SRPK2: variants seen among roughly 807,000 people sequenced by gnomAD.
The protein encoded by SRPK2 is SFRS protein kinase 2.
In SRPK2, 21 loss-of-function variants were observed where a neutral mutation model predicts 90.8. The ratio of observed to expected loss-of-function variants is 0.23; its 90% CI spans 0.16 to 0.33. The LOEUF (loss-of-function observed/expected upper bound fraction) is 0.33. SRPK2 is among the 10% of genes least tolerant of loss of function. The pLI, the probability that SRPK2 is intolerant of heterozygous loss-of-function variation, is 1.00. For synonymous variants in SRPK2, 288 were observed against 311.1 expected, an observed-to-expected ratio of 0.93 and a Z score of 0.78; for missense variants, 620 against 869.0, an observed-to-expected ratio of 0.71 and a Z score of 3.60.
In SRPK2 at chr7:105,197,857, T is replaced by C. The variant is rs188084509; in HGVS notation, c.229+5771A>G. ...GAAATAATTCAAGAGATGAAAACTGTACAAAGGTGCCAACTTATCTAAGAA... is the reference window on the plus strand; with the variant it reads ...GAAATAATTCAAGAGATGAAAACTGCACAAAGGTGCCAACTTATCTAAGAA... On this transcript the variant is annotated intron_variant, in intron 3 of 15. Transcript: ENST00000393651. Among the ~76,000 whole-genome samples the C allele has an allele frequency of 1.5e-3, 222 of 152,288 alleles. 2 individuals carry two copies. Among genetic ancestry groups the C allele is most frequent in the African/African-American group, 5.1e-3 (212 of 41,562 alleles).
At chr7:105,220,325 G>T (rs929099973) in intron 2 of SRPK2, among the ~76,000 whole-genome samples, 2 of 151,950 alleles carry the variant, frequency 1.3e-5, no homozygotes, top group African/African-American at 4.8e-5. Context: ...TCAAGAGATC[G>T]ATACCAGCCT....
At chr7:105,249,546 T>G (rs1802198093) in intron 2 of SRPK2, among the ~76,000 whole-genome samples, 1 of 152,116 alleles carries the variant, frequency 6.6e-6, no homozygotes, top group South Asian at 2.1e-4. Flanking sequence ...AGACTCTAAA[T>G]GCCTGAATTT....
chr7:105,291,660 G>A (rs186117632), intron 2 of SRPK2, among the ~76,000 whole-genome samples: 2 of 152,294 alleles, frequency 1.3e-5, no homozygotes, highest in East Asian at 1.9e-4. Context: ...AACCCAGGGG[G>A]CAGAGGCTGC....
intron 3 of SRPK2, among the ~76,000 whole-genome samples, chr7:105,170,967 G>GAAAGAAAGAA (rs66735717): frequency 0.15 from 11,281 of 74,222 alleles, 1,811 homozygotes; most frequent in Admixed American, 0.16. Context: ...AAGAAAGAAA[G>GAAAGAAAGAA]AGAAAGAAAG....
intron 2 of SRPK2, among the ~76,000 whole-genome samples, chr7:105,300,174 A>G (rs1325403268): frequency 6.9e-6 from 1 of 144,794 alleles, no homozygotes; most frequent in East Asian, 2.0e-4. Context: ...AATTGCTTCA[A>G]CTCGGGAGGC....
At chr7:105,190,641 C>T (rs1794165971) in intron 3 of SRPK2, among the ~76,000 whole-genome samples, 1 of 152,182 alleles carries the variant, frequency 6.6e-6, no homozygotes, top group Non-Finnish European at 1.5e-5. Context: ...ACCATCCTCA[C>T]GTTCAATAAT....
chr7:105,365,510 T>TATATATATA (rs1490581230), intron 2 of SRPK2, among the ~76,000 whole-genome samples: 6 of 116,370 alleles, frequency 5.2e-5, no homozygotes, highest in African/African-American at 2.0e-4. Context: ...AAAAAAAAAA[T>TATATATATA]TATATATATA....
chr7:105,345,152 G>A (rs553340308), intron 2 of SRPK2, among the ~76,000 whole-genome samples: 4 of 150,804 alleles, frequency 2.7e-5, no homozygotes, highest in Non-Finnish European at 5.9e-5. Flanking sequence ...GGAGAGGAGG[G>A]GAGAGGGCAG....
In SRPK2 at chr7:105,192,848, T is replaced by A. The variant is rs145412788; in HGVS notation, c.229+10780A>T. Among the ~76,000 whole-genome samples, 418 of 152,364 alleles carry A rather than the reference T, an allele frequency of 2.7e-3. 1 individual carries two copies. The highest frequency in any genetic ancestry group is 9.3e-3 in the African/African-American group (388 of 41,582). ...CTATTGGCCATCTGTATATCTTCTT[T>A]GGAGAACTGTCTATTCATGTCCTTA... On this transcript the variant is annotated intron_variant, in intron 3 of 15. Coordinates refer to ENST00000393651, the MANE Select transcript of SRPK2 (RefSeq NM_182692.3).
At chr7:105,244,581 A>AT (rs1400508049) in intron 2 of SRPK2, 3 of 622,198 alleles carry the variant, frequency 4.8e-6, no homozygotes, top group Non-Finnish European at 8.7e-6. Context: ...CTCAACAACA[A>AT]TAAAAAAATC....
chr7:105,146,392 C>A (rs1804632127), intron 8 of SRPK2, 101 bp downstream of exon 8: 2 of 1,258,288 alleles, frequency 1.6e-6, no homozygotes, highest in Non-Finnish European at 2.2e-6. Context: ...TTTCCAAAAT[C>A]TTCCTTATGT....
chr7:105,380,913 A>AT (rs1273343600), intron 2 of SRPK2, among the ~76,000 whole-genome samples: 2 of 148,960 alleles, frequency 1.3e-5, no homozygotes, highest in Non-Finnish European at 3.0e-5. Context: ...TCTGTACTGA[A>AT]TTTTTTACCA....
chr7:105,252,562 C>A (rs751773261), intron 2 of SRPK2, among the ~76,000 whole-genome samples: 1 of 152,030 alleles, frequency 6.6e-6, no homozygotes, highest in East Asian at 1.9e-4. Context: ...ATAGGTTTTA[C>A]TGATATTATA....
At chr7:105,212,448 G>A (rs1198991511) in intron 2 of SRPK2, among the ~76,000 whole-genome samples, 1 of 152,182 alleles carries the variant, frequency 6.6e-6, no homozygotes, top group Admixed American at 6.5e-5. Context: ...GCCAGAATGA[G>A]GCTGACTGCA....
intron 11 of SRPK2, among the ~76,000 whole-genome samples, chr7:105,134,417 C>T (rs569433927): frequency 9.2e-5 from 14 of 152,360 alleles, no homozygotes; most frequent in Admixed American, 3.9e-4. Context: ...TTCCTAAGGC[C>T]TCCCCAGCCA....
chr7:105,142,487 T>C lies in SRPK2; in HGVS notation c.1064A>G (p.Glu355Gly). The part of the protein sequence containing the change: ...AEAETAKDNG[E>G]AEDQEEKEDA... ...TTCTTTCTCTTCCTGGTCCTCAGCT[T>C]CACCTTAAGAATTTGATGGGTCAAG... is the stretch of plus-strand genomic sequence containing the variant. The change falls in exon 11 of 16, where the codon GAA (glutamate) becomes GGA (glycine). Residue 355 changes from glutamate to glycine, a missense_variant. This residue lies in a region of SRPK2 where 243 missense variants were observed against 245.7 expected (regional missense o/e 0.99). Coordinates refer to ENST00000393651, the MANE Select transcript of SRPK2 (RefSeq NM_182692.3). 1 of 1,604,410 alleles carries C rather than the reference T, an allele frequency of 6.2e-7. No homozygotes were observed. The highest frequency in any genetic ancestry group is 8.5e-7 in the Non-Finnish European group (1 of 1,176,528).
intron 2 of SRPK2, among the ~76,000 whole-genome samples, chr7:105,227,950 C>G (rs1464540751): frequency 6.9e-6 from 1 of 145,322 alleles, no homozygotes. Context: ...AATAATGGAT[C>G]AGTAATCCAA....
chr7:105,379,364 A>G (rs527337494), intron 2 of SRPK2, among the ~76,000 whole-genome samples: 2 of 152,296 alleles, frequency 1.3e-5, no homozygotes, highest in East Asian at 1.9e-4. Context: ...TAAAATATAC[A>G]GGAGGATGTG....
At chr7:105,199,031 C>A (rs555037679) in intron 3 of SRPK2, among the ~76,000 whole-genome samples, 17 of 152,180 alleles carry the variant, frequency 1.1e-4, no homozygotes, top group Non-Finnish European at 8.8e-5. Flanking sequence ...GAGCAATGAA[C>A]AATGCTTTTG....
Sources: gnomAD v4.1 joint callset for allele counts (sites outside exome capture counted in the v4.1 genomes callset) on GRCh38, gnomAD v4.1.1 for gene constraint, gnomAD v4.1.1 regional missense constraint, MANE v1.5 for transcripts, NCBI Gene and HGNC (gene_info 2026-07-23, HGNC 2026-07-21) for gene names.